Variants in HPSE2 observed in about 807,000 individuals in gnomAD.
HPSE2 encodes inactive heparanase-2.
Under a neutral mutation model 60.5 loss-of-function variants are expected in HPSE2, and 38 were observed. That is an observed-to-expected ratio of 0.63 (90% CI 0.48 to 0.82). HPSE2 has a LOEUF of 0.82. HPSE2 is among the 40% of genes least tolerant of loss of function. HPSE2 has a pLI of 0.00. For missense variants in HPSE2, 713 were observed against 740.4 expected, an observed-to-expected ratio of 0.96 and a Z score of 0.43; for synonymous variants, 295 against 293.2, an observed-to-expected ratio of 1.01 and a Z score of -0.06.
intron 5 of HPSE2, among the ~76,000 whole-genome samples, chr10:98,694,834 G>C (rs1357210494): frequency 6.6e-6 from 1 of 152,208 alleles, no homozygotes. Flanking sequence ...CCCAGGCACA[G>C]GAAACCAAAA....
the HPSE2 span, among the ~76,000 whole-genome samples, chr10:99,288,270 G>C: frequency 2.0e-5 from 3 of 152,092 alleles, no homozygotes; most frequent in African/African-American, 7.2e-5. Context: ...TGAACTGGTA[G>C]GGTCACGGTG....
intron 2 of HPSE2, among the ~76,000 whole-genome samples, chr10:99,177,092 G>T (rs1437048341): frequency 6.6e-6 from 1 of 152,026 alleles, no homozygotes; most frequent in Non-Finnish European, 1.5e-5. Flanking sequence ...CACACCACCA[G>T]GTTTGCCTTA....
intron 3 of HPSE2, among the ~76,000 whole-genome samples, chr10:98,824,160 T>C (rs1220872282): frequency 6.6e-6 from 1 of 152,174 alleles, no homozygotes; most frequent in Admixed American, 6.5e-5. Context: ...TGATTCCACA[T>C]ATACAAAGTT....
intron 3 of HPSE2, chr10:99,047,764 T>G (rs917646069): frequency 2.4e-6 from 2 of 841,358 alleles, no homozygotes; most frequent in African/African-American, 3.3e-5. Flanking sequence ...AAAGGATGCT[T>G]CAAAAGGCAA....
intron 3 of HPSE2, among the ~76,000 whole-genome samples, chr10:98,993,300 T>C (rs1402110668): frequency 6.6e-6 from 1 of 152,206 alleles, no homozygotes; most frequent in African/African-American, 2.4e-5. Context: ...AACATAAACA[T>C]ACAATTTCAT....
At chr10:98,473,404 G>A (rs1940860423) in intron 11 of HPSE2, among the ~76,000 whole-genome samples, 1 of 147,260 alleles carries the variant, frequency 6.8e-6, no homozygotes, top group African/African-American at 2.5e-5. Context: ...AGAATCCCTT[G>A]AACCAGGGAG....
intron 9 of HPSE2, among the ~76,000 whole-genome samples, chr10:98,509,072 T>C (rs1231164371): frequency 3.3e-5 from 5 of 152,114 alleles, no homozygotes; most frequent in Admixed American, 2.0e-4. Context: ...TCCCAGCACA[T>C]TGGGAGGCCG....
intron 3 of HPSE2, among the ~76,000 whole-genome samples, chr10:98,747,730 C>T (rs1428703799): frequency 6.6e-6 from 1 of 152,202 alleles, no homozygotes; most frequent in African/African-American, 2.4e-5. Context: ...TTTTTGGCAT[C>T]TCACTGCTCT....
At chr10:99,134,156 G>A (rs1845554655) in intron 3 of HPSE2, among the ~76,000 whole-genome samples, 1 of 151,798 alleles carries the variant, frequency 6.6e-6, no homozygotes, top group South Asian at 2.1e-4. Flanking sequence ...AAATAGAGAA[G>A]ACAAGATTAG....
chr10:98,829,520 CA>C (rs200299856), intron 3 of HPSE2, among the ~76,000 whole-genome samples: 1 of 148,472 alleles, frequency 6.7e-6, no homozygotes, highest in African/African-American at 2.5e-5. Context: ...GACTCCATCT[CA>C]AAAAAAACAA....
At chr10:99,226,873 T>TA (rs1463946706) in intron 2 of HPSE2, among the ~76,000 whole-genome samples, 1 of 152,082 alleles carries the variant, frequency 6.6e-6, no homozygotes, top group African/African-American at 2.4e-5. Flanking sequence ...CTAAAGCAAT[T>TA]ATTACTGTTG....
intron 3 of HPSE2, among the ~76,000 whole-genome samples, chr10:98,994,103 T>C (rs1393095293): frequency 6.6e-6 from 1 of 152,192 alleles, no homozygotes; most frequent in Non-Finnish European, 1.5e-5. Context: ...ATTTAAACTC[T>C]TAATTCACCA....
intron 3 of HPSE2, among the ~76,000 whole-genome samples, chr10:98,858,630 T>G (rs552211237): frequency 6.6e-6 from 1 of 152,274 alleles, no homozygotes; most frequent in East Asian, 1.9e-4. Flanking sequence ...GGTCCCAAAC[T>G]CAGTGTTACT....
rs75628228 is a variant in HPSE2, at chr10:98,639,067, G to A, written c.1098+2780C>T. The stretch of plus-strand genomic sequence containing the variant: ...GCCCTGAAGCTTGGTGGGTCTTGGC[G>A]ACTACTTCAATGAACAGGATATGGC... On this transcript the variant is annotated intron_variant, in intron 7 of 11. Coordinates refer to ENST00000370552, the MANE Select transcript of HPSE2 (RefSeq NM_021828.5). Among the ~76,000 whole-genome samples, 565 of 152,260 alleles carry A rather than the reference G, an allele frequency of 3.7e-3. 4 individuals are homozygous for A. The highest frequency in any genetic ancestry group is 0.013 in the African/African-American group (545 of 41,552).
At chr10:98,535,729 A>G (rs892515554) in intron 9 of HPSE2, among the ~76,000 whole-genome samples, 2 of 152,194 alleles carry the variant, frequency 1.3e-5, no homozygotes, top group African/African-American at 4.8e-5. Context: ...TAGTAGAGAT[A>G]TAATTTCATA....
intron 6 of HPSE2, among the ~76,000 whole-genome samples, chr10:98,673,752 G>T (rs1947565138): frequency 1.3e-5 from 2 of 152,144 alleles, no homozygotes; most frequent in African/African-American, 4.8e-5. Context: ...TTAAAAAGAA[G>T]TAGTGAGGGA....
At position 98,624,516 on chromosome 10, in the gene HPSE2, G is replaced by T. The variant is rs747824058; in HGVS notation, c.1099-3808C>A. Among the ~76,000 whole-genome samples, 3 of 152,070 alleles carry T rather than the reference G, an allele frequency of 2.0e-5. No homozygotes were observed. In the East Asian group the frequency reaches 5.8e-4, roughly 29 times the overall value. On this transcript the variant is annotated intron_variant, in intron 7 of 11. Transcript: ENST00000370552. ...GGAGTATTTTTATTCTGAGTGTGAT[G>T]GAAAGCTATTGGAGGGATTTAACCA... is the stretch of plus-strand genomic sequence containing the variant.
At chr10:98,727,183 A>G (rs1589719125) in intron 4 of HPSE2, among the ~76,000 whole-genome samples, 1 of 152,204 alleles carries the variant, frequency 6.6e-6, no homozygotes, top group Non-Finnish European at 1.5e-5. Context: ...GAAGTACAGA[A>G]TTCAGAGTTG....
chr10:99,229,391 G>T (rs1481238897), intron 2 of HPSE2, among the ~76,000 whole-genome samples: 2 of 152,006 alleles, frequency 1.3e-5, no homozygotes, highest in African/African-American at 4.8e-5. Flanking sequence ...TTCTGTAAAA[G>T]CTTCAGTCTC....
Sources: gnomAD v4.1 joint callset for allele counts (sites outside exome capture counted in the v4.1 genomes callset) on GRCh38, gnomAD v4.1.1 for gene constraint, MANE v1.5 for transcripts, NCBI Gene and HGNC (gene_info 2026-07-23, HGNC 2026-07-21) for gene names.